The following SOS2 variants were observed in gnomAD, a reference collection of about 807,000 sequenced individuals.
SOS2 encodes son of sevenless homolog 2.
A neutral mutation model predicts 148.2 loss-of-function variants in SOS2; 65 were observed. That is an observed-to-expected ratio of 0.44 (90% confidence interval 0.36 to 0.54). The LOEUF (loss-of-function observed/expected upper bound fraction) is 0.54. SOS2 is among the 20% of genes least tolerant of loss of function. SOS2 has a pLI of 0.00. For synonymous variants in SOS2, 539 were observed against 537.1 expected (o/e 1.00, Z -0.05); for missense variants, 1,341 against 1,590.2 (o/e 0.84, Z 2.67).
Position 50,145,232 on chromosome 14 carries a change from C to A in SOS2, c.2605G>T (p.Val869Leu), listed in dbSNP as rs373143128. 5 of 1,610,340 alleles carry A rather than the reference C, an allele frequency of 3.1e-6. No homozygotes were observed. The highest frequency in any genetic ancestry group is 1.6e-4 in the Middle Eastern group (1 of 6,070). The change falls in exon 16 of 23, where the codon GTA becomes TTA. Residue 869 changes from valine (V) to leucine (L), a missense_variant. Val to Leu is a conservative substitution (Grantham distance 32, BLOSUM62 1). Around this residue, in one of 4 missense-constraint regions of SOS2, gnomAD observed 408 missense variants for 506.6 expected, o/e 0.81. Transcript: ENST00000216373. ...TTTACTGCACTGACTATCTCCAATACGCCATTGAAATTATTCAAATCTTGA... is the reference window on the plus strand; with the variant it reads ...TTTACTGCACTGACTATCTCCAATAAGCCATTGAAATTATTCAAATCTTGA... ...VFQDLNNFNG[V>L]LEIVSAVNSV...
rs1466450390 is a variant in SOS2 at position 50,118,573 on chromosome 14, T to C, written c.3770A>G (p.Asn1257Ser). Reference protein sequence around the residue: ...DWLRDISTCPNSPSTPPSTPS... With the variant: ...DWLRDISTCPSSPSTPPSTPS... ...TGTGCTAGGAGGAGTGCTTGGCGAA[T>C]TTGGACACGTACTAATGTCTCTGAG... The change falls in exon 23 of 23, where the codon AAT (asparagine) becomes AGT (serine). Residue 1257 changes from asparagine (N) to serine (S), a missense_variant. Asn to Ser is a conservative substitution (Grantham distance 46). Transcript: ENST00000216373. 6.2e-7 allele frequency: 1 copy of C among 1,614,102 alleles called. No homozygotes were observed. Among genetic ancestry groups the C allele is most frequent in the East Asian group, 2.2e-5 (1 of 44,880 alleles).
intron 14 of SOS2, among the ~76,000 whole-genome samples, chr14:50,146,805 A>C (rs1884490308): frequency 6.6e-6 from 1 of 152,232 alleles, no homozygotes; most frequent in Non-Finnish European, 1.5e-5. Context: ...AAATAAGCTA[A>C]CTAGAACTGT....
At chr14:50,146,952 T>A (rs1884499583) in intron 14 of SOS2, among the ~76,000 whole-genome samples, 1 of 151,824 alleles carries the variant, frequency 6.6e-6, no homozygotes, top group African/African-American at 2.4e-5. Flanking sequence ...CCCAGCTACT[T>A]GGGAGGATGA....
chr14:50,149,364 G>A (rs890052271), intron 14 of SOS2, among the ~76,000 whole-genome samples: 1 of 152,086 alleles, frequency 6.6e-6, no homozygotes, highest in Non-Finnish European at 1.5e-5. Flanking sequence ...GGATGAGCCC[G>A]GAGGACCTTA....
In SOS2 at chr14:50,150,226, T is replaced by A. The variant is rs769787486; in HGVS notation, c.2166A>T (p.Lys722Asn). Reference protein sequence around the residue: ...LESFISSVRGKAMKKWVESIA... With the variant: ...LESFISSVRGNAMKKWVESIA... ...TTGACTCTACCCATTTTTTCATAGC[T>A]TTCCCTGGAAAAAGAACACATAAAG... The change falls in exon 14 of 23, where the codon AAA becomes AAT. Residue 722 changes from lysine to asparagine, a missense_variant. Lys to Asn is a moderately conservative substitution (Grantham distance 94). Coordinates refer to ENST00000216373, the MANE Select transcript of SOS2 (RefSeq NM_006939.4). 1.4e-5 allele frequency: 23 copies of A among 1,598,510 alleles called. No individual in the cohort carries two copies. The Middle Eastern group carries it at 6.6e-4, about 46-fold the overall frequency.
At position 50,133,102 on chromosome 14, in the gene SOS2, T is replaced by C. The variant is rs575860410; in HGVS notation, c.3075+1021A>G. Among the ~76,000 whole-genome samples, 5 of 152,226 alleles carry C rather than the reference T, an allele frequency of 3.3e-5. No homozygotes were observed. In the South Asian group the frequency reaches 8.3e-4, roughly 25 times the overall value. ...TTTTAGGGATGGACAAAATGGTTGG[T>C]ATTAGCGCTTACAAAAGTGTCCTGA... On this transcript the variant is annotated intron_variant, in intron 19 of 22. Coordinates refer to ENST00000216373, the MANE Select transcript of SOS2 (RefSeq NM_006939.4).
In SOS2 at chr14:50,203,549, A is replaced by G. The variant is rs568589006; in HGVS notation, c.213+735T>C. Among the ~76,000 whole-genome samples, 6 of 152,126 alleles carry G rather than the reference A, an allele frequency of 3.9e-5. No individual in the cohort carries two copies. The East Asian group carries it at 5.8e-4, about 15-fold the overall frequency. On this transcript the variant is annotated intron_variant, in intron 2 of 22. Coordinates refer to ENST00000216373, the MANE Select transcript of SOS2 (RefSeq NM_006939.4). ...ATCCAAAAATACTCCCATGTAACCA[A>G]GGCAAAACAATTATTTTAGTACTAA... is the stretch of plus-strand genomic sequence containing the variant.
chr14:50,136,992 G>A (rs561239446), intron 18 of SOS2, among the ~76,000 whole-genome samples: 1 of 152,250 alleles, frequency 6.6e-6, no homozygotes, highest in Non-Finnish European at 1.5e-5. Flanking sequence ...CATAATTTAG[G>A]AGGGTGGAAG....
At chr14:50,231,148 C>A in intron 1 of SOS2, 49 bp downstream of exon 1, 1 of 1,162,784 alleles carries the variant, frequency 8.6e-7, no homozygotes, top group South Asian at 2.1e-5. Flanking sequence ...CCGTTAGAAG[C>A]TCGGGGGGCC....
chr14:50,133,227 C>CTT (rs1161576124), intron 19 of SOS2, among the ~76,000 whole-genome samples: 2 of 96,938 alleles, frequency 2.1e-5, no homozygotes, highest in Non-Finnish European at 4.3e-5. Flanking sequence ...TTTCCATGAA[C>CTT]TTTTTTTCTT....
At chr14:50,227,811 T>A (rs532903258) in intron 1 of SOS2, among the ~76,000 whole-genome samples, 51 of 152,288 alleles carry the variant, frequency 3.3e-4, no homozygotes, top group African/African-American at 1.2e-3. Flanking sequence ...ATGGTGACTT[T>A]GTCAAATACA....
chr14:50,169,291 G>A (rs558208521), intron 8 of SOS2, among the ~76,000 whole-genome samples: 1 of 151,902 alleles, frequency 6.6e-6, no homozygotes, highest in Admixed American at 6.6e-5. Flanking sequence ...ACTCCAGCCT[G>A]GGCGACAGAG....
chr14:50,175,660 C>T (rs905144092), intron 7 of SOS2, among the ~76,000 whole-genome samples: 51 of 151,782 alleles, frequency 3.4e-4, no homozygotes, highest in African/African-American at 1.2e-3. Flanking sequence ...ATAGGTATAC[C>T]CCAGTTTTGG....
At chr14:50,211,032 G>GATATAT (rs4028229) in intron 1 of SOS2, among the ~76,000 whole-genome samples, 20 of 149,234 alleles carry the variant, frequency 1.3e-4, no homozygotes, top group Non-Finnish European at 2.1e-4. Flanking sequence ...TCCACTATAG[G>GATATAT]ATATATATAT....
chr14:50,159,375 T>C, intron 10 of SOS2, 56 bp downstream of exon 10: 1 of 1,218,914 alleles, frequency 8.2e-7, no homozygotes, highest in Non-Finnish European at 1.1e-6. Flanking sequence ...TGAGCATCCT[T>C]AAAAAGCTTT....
chr14:50,190,727 C>T lies in SOS2; in HGVS notation c.511-2027G>A, dbSNP rs1566473164. ...AAGGCCATTCATAATTTAACTCCAACCCACCTTCCTAATCTCATGTTCTGT... is the reference window on the plus strand; with the variant it reads ...AAGGCCATTCATAATTTAACTCCAATCCACCTTCCTAATCTCATGTTCTGT... On this transcript the variant is annotated intron_variant, in intron 4 of 22. Coordinates refer to ENST00000216373, the MANE Select transcript of SOS2 (RefSeq NM_006939.4). Among the ~76,000 whole-genome samples, 7 of 152,314 alleles carry T rather than the reference C, an allele frequency of 4.6e-5. No individual in the cohort carries two copies. In the South Asian group the frequency reaches 6.2e-4, roughly 14 times the overall value.
At chr14:50,158,521 T>G in intron 11 of SOS2, 44 bp downstream of exon 11, 1 of 1,217,840 alleles carries the variant, frequency 8.2e-7, no homozygotes, top group South Asian at 1.3e-5. Flanking sequence ...TACAGTTAAT[T>G]TTTCACAAAA....
chr14:50,138,615 C>T lies in SOS2; in HGVS notation c.2955G>A (p.Met985Ile), dbSNP rs367670036. 2.1e-5 allele frequency: 31 copies of T among 1,497,438 alleles called. No individual in the cohort carries two copies. Among genetic ancestry groups the T allele is most frequent in the Non-Finnish European group, 2.8e-5 (31 of 1,117,436 alleles). The allele number at this position is 1,497,438 out of a possible 1,614,324, so 92.8% of individuals were successfully genotyped here. A position where few individuals can be genotyped will look rare whatever the true frequency, so the allele number is the denominator to read the frequency against. ...GATATGCAAAGAAAATATTTACCCTCATATCTGGTTCTATCCGTAAACAGT... is the reference window on the plus strand; with the variant it reads ...GATATGCAAAGAAAATATTTACCCTTATATCTGGTTCTATCCGTAAACAGT... ...QPYCLRIEPD[M>I]RRFFENLNPM... The change falls in exon 18 of 23, where the codon ATG becomes ATA. Residue 985 changes from methionine (M) to isoleucine (I), a missense_variant. Transcript: ENST00000216373.
intron 1 of SOS2, chr14:50,230,944 C>G: frequency 9.1e-7 from 1 of 1,098,862 alleles, no homozygotes; most frequent in South Asian, 4.5e-5. Flanking sequence ...CGGAAGTTGC[C>G]TGACGAAATG....
Sources: allele counts gnomAD v4.1 joint callset (sites outside exome capture counted in the v4.1 genomes callset), GRCh38; gene constraint gnomAD v4.1.1; regional missense constraint gnomAD v4.1.1; transcripts MANE v1.5; gene names NCBI Gene and HGNC (gene_info 2026-07-23, HGNC 2026-07-21).